MAST4: variants seen among roughly 807,000 people sequenced by gnomAD.
The protein encoded by MAST4 is microtubule associated serine/threonine kinase family member 4.
MAST4 carries 89 observed loss-of-function variants against 162.7 expected under a neutral mutation model. The observed-to-expected ratio is 0.55, with a 90% CI of 0.46 to 0.65. MAST4 has a LOEUF of 0.65. MAST4 is among the 30% of genes least tolerant of loss of function. The pLI is 0.00. For missense variants in MAST4, 3,153 were observed against 3,374.0 expected (o/e 0.93, Z 1.62); for synonymous variants, 1,479 against 1,361.1 (o/e 1.09, Z -1.91).
At chr5:66,660,659 A>G (rs1489393392) in intron 1 of MAST4, among the ~76,000 whole-genome samples, 3 of 152,198 alleles carry the variant, frequency 2.0e-5, no homozygotes, top group Admixed American at 6.5e-5. Context: ...TCTAGGAAAC[A>G]TTGTCTTCAT....
At position 67,055,732 on chromosome 5, in the gene MAST4, C is replaced by G. The variant is rs184292120; in HGVS notation, c.763+1240C>G. Among the ~76,000 whole-genome samples the G allele has an allele frequency of 2.6e-5, 4 of 152,264 alleles. No individual in the cohort carries two copies. In the East Asian group the frequency reaches 7.7e-4, roughly 29 times the overall value. On this transcript the variant is annotated intron_variant, in intron 5 of 28. Transcript: ENST00000403625. ...GGAGAAGCTCTTACACAGATGAAGA[C>G]AAGTTCTAGACCACTCATAGCAGCA...
At chr5:67,103,362 A>G (rs1765246305) in intron 9 of MAST4, among the ~76,000 whole-genome samples, 1 of 152,238 alleles carries the variant, frequency 6.6e-6, no homozygotes, top group African/African-American at 2.4e-5. Context: ...TTGGTTTCAT[A>G]AATCAAGAGT....
intron 4 of MAST4, among the ~76,000 whole-genome samples, chr5:66,948,109 A>G (rs993513105): frequency 1.3e-5 from 2 of 152,124 alleles, no homozygotes; most frequent in African/African-American, 4.8e-5. Context: ...GTGATGAAGG[A>G]GGCTGGCAGC....
chr5:66,611,694 G>T (rs1377494988), intron 1 of MAST4, among the ~76,000 whole-genome samples: 1 of 152,218 alleles, frequency 6.6e-6, no homozygotes, highest in Non-Finnish European at 1.5e-5. Context: ...AGCCATTGCT[G>T]GGATACATCG....
chr5:67,097,399 A>C (rs1260803018), intron 7 of MAST4, among the ~76,000 whole-genome samples: 1 of 152,130 alleles, frequency 6.6e-6, no homozygotes. Context: ...AATCTGAGGC[A>C]CAGAGAGACT....
chr5:66,613,478 G>A (rs1451350930), intron 1 of MAST4, among the ~76,000 whole-genome samples: 8 of 152,090 alleles, frequency 5.3e-5, no homozygotes, highest in African/African-American at 7.2e-5. Flanking sequence ...CTCCCCTAAC[G>A]TATAGCTGGA....
chr5:66,875,499 A>G (rs1165621968), intron 3 of MAST4, among the ~76,000 whole-genome samples: 1 of 152,244 alleles, frequency 6.6e-6, no homozygotes, highest in African/African-American at 2.4e-5. Flanking sequence ...CTCATCTGAA[A>G]AATAGGGAAC....
intron 3 of MAST4, among the ~76,000 whole-genome samples, chr5:66,899,121 C>T (rs944043219): frequency 2.0e-5 from 3 of 152,194 alleles, no homozygotes; most frequent in African/African-American, 7.2e-5. Flanking sequence ...TCATTGCTTC[C>T]TGTTCTTTAA....
chr5:66,833,420 AGC>A (rs1339534449), intron 3 of MAST4, among the ~76,000 whole-genome samples: 2 of 152,152 alleles, frequency 1.3e-5, no homozygotes, highest in South Asian at 2.1e-4. Flanking sequence ...CCTGCTTTTT[AGC>A]CCAGAGTCCA....
chr5:66,923,580 A>G (rs923226986), intron 4 of MAST4, among the ~76,000 whole-genome samples: 3 of 152,032 alleles, frequency 2.0e-5, no homozygotes, highest in African/African-American at 4.8e-5. Flanking sequence ...CTGTTTTTTT[A>G]TTGTGGTCCT....
chr5:66,699,561 C>G (rs994336867), intron 1 of MAST4, among the ~76,000 whole-genome samples: 1 of 152,272 alleles, frequency 6.6e-6, no homozygotes, highest in Non-Finnish European at 1.5e-5. Flanking sequence ...ACATATACAT[C>G]ATGGAATACT....
intron 3 of MAST4, among the ~76,000 whole-genome samples, chr5:66,861,967 T>G (rs1282672852): frequency 6.6e-6 from 1 of 152,200 alleles, no homozygotes; most frequent in Non-Finnish European, 1.5e-5. Flanking sequence ...GGTAAGAAAC[T>G]GCCAGATGAG....
intron 4 of MAST4, among the ~76,000 whole-genome samples, chr5:67,046,774 T>A (rs1002589627): frequency 2.6e-5 from 4 of 152,200 alleles, no homozygotes; most frequent in Admixed American, 6.5e-5. Flanking sequence ...CTTATCCCTT[T>A]CTCTAGCTAT....
At chr5:66,862,852 G>A (rs1324664703) in intron 3 of MAST4, among the ~76,000 whole-genome samples, 2 of 152,224 alleles carry the variant, frequency 1.3e-5, no homozygotes, top group Non-Finnish European at 2.9e-5. Context: ...GGAAGGCTGA[G>A]TGACCTGGCC....
chr5:66,872,398 G>T (rs1036741996), intron 3 of MAST4, among the ~76,000 whole-genome samples: 4 of 152,268 alleles, frequency 2.6e-5, no homozygotes, highest in South Asian at 2.1e-4. Context: ...TCAAACTCCT[G>T]ACCTCAGGTG....
At chr5:66,737,292 C>T (rs549717483) in intron 1 of MAST4, among the ~76,000 whole-genome samples, 7 of 152,280 alleles carry the variant, frequency 4.6e-5, no homozygotes, top group South Asian at 2.1e-4. Context: ...CTCAGTTCCT[C>T]ACCATGTGGA....
chr5:66,612,383 G>A (rs1302641554), intron 1 of MAST4, among the ~76,000 whole-genome samples: 7 of 152,284 alleles, frequency 4.6e-5, no homozygotes, highest in African/African-American at 1.4e-4. Context: ...TGGTGGTGAG[G>A]TTTGGGACTC....
intron 4 of MAST4, among the ~76,000 whole-genome samples, chr5:67,025,726 A>C (rs759258269): frequency 1.3e-5 from 2 of 152,224 alleles, no homozygotes; most frequent in Non-Finnish European, 2.9e-5. Flanking sequence ...AGTTATGTTT[A>C]GCTAGCATGT....
intron 4 of MAST4, among the ~76,000 whole-genome samples, chr5:66,907,206 A>AGAGAGAGT (rs1280692171): frequency 1.3e-5 from 1 of 78,038 alleles, no homozygotes. Flanking sequence ...AGAGAGAGAG[A>AGAGAGAGT]GTCCTGCTAG....
Sources: gnomAD v4.1 joint callset for allele counts (sites outside exome capture counted in the v4.1 genomes callset) on GRCh38, gnomAD v4.1.1 for gene constraint, MANE v1.5 for transcripts, NCBI Gene and HGNC (gene_info 2026-07-23, HGNC 2026-07-21) for gene names.